Variants in SHTN1 observed in about 807,000 individuals in gnomAD.
SHTN1 encodes the protein shootin 1.
A neutral mutation model predicts 83.1 loss-of-function variants in SHTN1; 42 were observed. The observed-to-expected ratio is 0.51, with a 90% CI of 0.39 to 0.65. The LOEUF (loss-of-function observed/expected upper bound fraction) is 0.65. Among genes scored for constraint, SHTN1 ranks in the 30% least tolerant of loss-of-function variants. SHTN1 has a pLI of 0.00. For synonymous variants in SHTN1, 224 were observed against 247.7 expected (o/e 0.90, Z 0.90); for missense variants, 622 against 737.8 (o/e 0.84, Z 1.82).
At chr10:117,113,875 G>A (rs538655095) in intron 1 of SHTN1, among the ~76,000 whole-genome samples, 3 of 152,202 alleles carry the variant, frequency 2.0e-5, no homozygotes, top group South Asian at 4.2e-4. Context: ...GTGAAACCCC[G>A]TCTCTACTAA....
chr10:117,002,843 G>A (rs1236581653), intron 1 of SHTN1, among the ~76,000 whole-genome samples: 1 of 152,152 alleles, frequency 6.6e-6, no homozygotes, highest in East Asian at 1.9e-4. Context: ...ACACAACTTT[G>A]AATATCTAAC....
intron 14 of SHTN1, chr10:116,911,490 T>A: frequency 1.3e-6 from 2 of 1,550,472 alleles, no homozygotes; most frequent in Non-Finnish European, 8.7e-7. Flanking sequence ...GACCCTTACA[T>A]ATGGCCAGCC....
At chr10:117,044,143 T>C (rs1852627654) in intron 2 of SHTN1, among the ~76,000 whole-genome samples, 1 of 152,130 alleles carries the variant, frequency 6.6e-6, no homozygotes, top group Non-Finnish European at 1.5e-5. Flanking sequence ...TAAGTATTTT[T>C]CTCTTCCTCC....
chr10:117,106,684 C>A (rs952550904), intron 1 of SHTN1, among the ~76,000 whole-genome samples: 1 of 152,154 alleles, frequency 6.6e-6, no homozygotes, highest in African/African-American at 2.4e-5. Context: ...CAAACTCGAA[C>A]AAGCTCCCAG....
chr10:117,042,645 T>G (rs1852601428), intron 2 of SHTN1, among the ~76,000 whole-genome samples: 1 of 151,704 alleles, frequency 6.6e-6, no homozygotes, highest in Non-Finnish European at 1.5e-5. Flanking sequence ...TTTTTGAGTC[T>G]CTCTCTGCTG....
chr10:117,099,962 G>A (rs1184257026), intron 1 of SHTN1, among the ~76,000 whole-genome samples: 2 of 152,102 alleles, frequency 1.3e-5, no homozygotes, highest in East Asian at 3.9e-4. Context: ...TGGATCATCT[G>A]AGGTCGGGAG....
At chr10:117,028,758 T>G (rs984574289) in intron 2 of SHTN1, among the ~76,000 whole-genome samples, 1 of 152,140 alleles carries the variant, frequency 6.6e-6, no homozygotes, top group Non-Finnish European at 1.5e-5. Flanking sequence ...AGTTGAGGCT[T>G]GGGAGCCTCT....
rs554828942 is a variant in SHTN1 at position 117,040,185 on chromosome 10, T to C, written c.-123+8260A>G. Among the ~76,000 whole-genome samples the C allele has an allele frequency of 2.6e-5, 4 of 152,256 alleles. No homozygotes were observed. The South Asian group carries it at 6.2e-4, about 24-fold the overall frequency. On this transcript the variant is annotated intron_variant, in intron 2 of 17. Transcript: ENST00000392901. ...TGTTTTTAGATACTGAAAACCTGAT[T>C]TGAAAATTTGTATAGAAATACAAAG...
intron 1 of SHTN1, among the ~76,000 whole-genome samples, chr10:117,054,258 A>T (rs1321885377): frequency 1.3e-5 from 2 of 152,202 alleles, no homozygotes; most frequent in East Asian, 3.9e-4. Flanking sequence ...AGATCATAAG[A>T]CTGACAAAAC....
intron 1 of SHTN1, among the ~76,000 whole-genome samples, chr10:116,988,307 TACAC>T (rs372435695): frequency 1.4e-4 from 21 of 148,344 alleles, no homozygotes; most frequent in Middle Eastern, 3.4e-3. Flanking sequence ...AAAAAGCTAA[TACAC>T]ACACACACAC....
At chr10:117,023,850 G>GT (rs1179906756) in intron 2 of SHTN1, 3 of 152,620 alleles carry the variant, frequency 2.0e-5, no homozygotes, top group African/African-American at 7.2e-5. Flanking sequence ...AGTTATATAC[G>GT]TATTTCCAAC....
At chr10:116,994,847 G>C (rs534789928) in intron 1 of SHTN1, among the ~76,000 whole-genome samples, 1 of 92,134 alleles carries the variant, frequency 1.1e-5, no homozygotes, top group South Asian at 5.3e-4. Context: ...GGGCTCCCTG[G>C]AAGTCTGAAA....
intron 9 of SHTN1, among the ~76,000 whole-genome samples, chr10:116,936,870 G>C (rs1043196199): frequency 3.9e-5 from 6 of 152,068 alleles, no homozygotes; most frequent in Admixed American, 2.6e-4. Context: ...TATATATTTA[G>C]GATAGTTAGC....
chr10:117,087,657 TAAAC>T (rs895683528), intron 1 of SHTN1, among the ~76,000 whole-genome samples: 58 of 152,318 alleles, frequency 3.8e-4, no homozygotes, highest in African/African-American at 1.2e-3. Flanking sequence ...AAGGATTTCT[TAAAC>T]AAGACAATAT....
At chr10:117,121,976 G>C (rs994771263) in intron 1 of SHTN1, among the ~76,000 whole-genome samples, 1 of 152,120 alleles carries the variant, frequency 6.6e-6, no homozygotes, top group Non-Finnish European at 1.5e-5. Context: ...AGCTTGCAAT[G>C]AGCTGAGATC....
intron 1 of SHTN1, among the ~76,000 whole-genome samples, chr10:117,056,732 A>AC (rs1797525192): frequency 1.3e-5 from 2 of 152,232 alleles, no homozygotes; most frequent in East Asian, 3.9e-4. Context: ...AATCACTTGA[A>AC]CCCAGGAGGC....
chr10:117,082,786 T>C (rs1589924743), intron 1 of SHTN1, among the ~76,000 whole-genome samples: 4 of 151,344 alleles, frequency 2.6e-5, no homozygotes, highest in Admixed American at 1.3e-4. Context: ...TTTACCATTA[T>C]GTAATGGCCT....
Position 117,045,510 on chromosome 10 carries a change from C to T in SHTN1, c.-123+2935G>A, listed in dbSNP as rs531997655. Among the ~76,000 whole-genome samples, 5 of 152,214 alleles carry T rather than the reference C, an allele frequency of 3.3e-5. No homozygotes were observed. The South Asian group carries it at 1.0e-3, about 32-fold the overall frequency. ...TTACATATGAAATAATTCCACATCCCAGACCTTATTTAAGAAGAAGTCTTC... is the reference window on the plus strand; with the variant it reads ...TTACATATGAAATAATTCCACATCCTAGACCTTATTTAAGAAGAAGTCTTC... On this transcript the variant is annotated intron_variant, in intron 2 of 17. Transcript: ENST00000392901.
At chr10:116,976,448 G>A (rs1314558110) in intron 2 of SHTN1, among the ~76,000 whole-genome samples, 1 of 152,148 alleles carries the variant, frequency 6.6e-6, no homozygotes, top group Non-Finnish European at 1.5e-5. Flanking sequence ...TGCTTCCTCT[G>A]TTCACTCTAA....
Sources: allele counts gnomAD v4.1 joint callset (sites outside exome capture counted in the v4.1 genomes callset), GRCh38; gene constraint gnomAD v4.1.1; transcripts MANE v1.5; gene names NCBI Gene and HGNC (gene_info 2026-07-23, HGNC 2026-07-21).